The following CAGE1 variants were observed in gnomAD, a reference collection of about 807,000 sequenced individuals.
The protein encoded by CAGE1 is cancer antigen 1, also known as cancer-associated gene 1 protein.
In CAGE1, 66 loss-of-function variants were observed where a neutral mutation model predicts 94.9. The observed-to-expected ratio is 0.70, with a 90% CI of 0.57 to 0.85. CAGE1 has a LOEUF of 0.85. Among genes scored for constraint, CAGE1 ranks in the 40% least tolerant of loss-of-function variants. The pLI is 0.00. For missense variants in CAGE1, 865 were observed against 950.4 expected, an observed-to-expected ratio of 0.91 and a Z score of 1.18; for synonymous variants, 319 against 321.0, an observed-to-expected ratio of 0.99 and a Z score of 0.07.
At chr6:7,352,298 A>C (rs1427753357) in intron 11 of CAGE1, among the ~76,000 whole-genome samples, 7 of 119,364 alleles carry the variant, frequency 5.9e-5, no homozygotes, top group Non-Finnish European at 1.0e-4. Context: ...TGCAAAAAAA[A>C]AAAAAAACAA....
chr6:7,369,902 T>G lies in CAGE1; in HGVS notation c.1893+17A>C, dbSNP rs138110712. On this transcript the variant is annotated intron_variant, in intron 6 of 13. Transcript: ENST00000502583. ...ATTCCTCCCCTACTAAAATATCTAATATATATGTTTTATTACCTGGCATGT... is the reference window on the plus strand; with the variant it reads ...ATTCCTCCCCTACTAAAATATCTAAGATATATGTTTTATTACCTGGCATGT... The G allele has an allele frequency of 1.0e-5, 16 of 1,598,986 alleles. No individual in the cohort carries two copies. The East Asian group carries it at 3.4e-4, about 34-fold the overall frequency.
chr6:7,334,137 A>G, intron 11 of CAGE1, 47 bp from the exon 12 acceptor site: 1 of 1,192,700 alleles, frequency 8.4e-7, no homozygotes, highest in Non-Finnish European at 1.2e-6. Context: ...GGACTTTTCT[A>G]GACCAATATT....
Position 7,363,086 on chromosome 6 carries a change from T to C in CAGE1, c.2193+2382A>G, listed in dbSNP as rs143382778. Among the ~76,000 whole-genome samples the C allele has an allele frequency of 2.8e-3, 424 of 152,196 alleles. 4 individuals carry two copies. Among genetic ancestry groups the C allele is most frequent in the African/African-American group, 9.4e-3 (392 of 41,540 alleles). On this transcript the variant is annotated intron_variant, in intron 9 of 13. Transcript: ENST00000502583. ...GAGTTCGTGACTAGCCTGGCCAACATGGAAAAACCCTGTCTCTACTAAAAA... is the reference window on the plus strand; with the variant it reads ...GAGTTCGTGACTAGCCTGGCCAACACGGAAAAACCCTGTCTCTACTAAAAA...
intron 11 of CAGE1, among the ~76,000 whole-genome samples, chr6:7,349,092 G>A (rs139898984): frequency 0.01 from 1,544 of 152,236 alleles, 18 homozygotes; most frequent in Admixed American, 0.022. Context: ...AAAGATCATC[G>A]CCTAGGTACA....
chr6:7,362,619 C>T lies in CAGE1; in HGVS notation c.2193+2849G>A, dbSNP rs968832561. On this transcript the variant is annotated intron_variant, in intron 9 of 13. Coordinates refer to ENST00000502583, the MANE Select transcript of CAGE1 (RefSeq NM_001170692.2). This position sits in a 1 kb window ranked among gnomAD's most constrained non-coding sequence, Gnocchi z 4.1. ...AGAAGGACATGAGAGAAGCACGCGA[C>T]GATGTGCCAAGGGAAGCATGAGCAT... Among the ~76,000 whole-genome samples, 8 of 152,278 alleles carry T rather than the reference C, an allele frequency of 5.3e-5. 1 individual carries two copies. In the South Asian group the frequency reaches 8.3e-4, roughly 16 times the overall value.
Position 7,378,741 on chromosome 6 carries a change from G to C in CAGE1, c.563C>G (p.Pro188Arg). The change falls in exon 4 of 14, where the codon CCT becomes CGT. Residue 188 changes from proline to arginine, a missense_variant. Coordinates refer to ENST00000502583, the MANE Select transcript of CAGE1 (RefSeq NM_001170692.2). ...LGNEYFRQPP[P>R]RSPPLIHCSG... ...GCAGTGGATTAGAGGCGGGCTTCTA[G>C]GAGGAGGCTGTCTAAAATACTCGTT... 6.2e-7 allele frequency: 1 copy of C among 1,613,940 alleles called. No homozygotes were observed. The highest frequency in any genetic ancestry group is 2.2e-5 in the East Asian group (1 of 44,880).
intron 11 of CAGE1, among the ~76,000 whole-genome samples, chr6:7,344,449 T>C (rs1759337389): frequency 6.6e-6 from 1 of 152,200 alleles, no homozygotes; most frequent in East Asian, 1.9e-4. Context: ...TTAGCTGCCT[T>C]CCCGCAGGGC....
chr6:7,367,367 C>T (rs1469952037), intron 7 of CAGE1, among the ~76,000 whole-genome samples: 1 of 142,610 alleles, frequency 7.0e-6, no homozygotes, highest in African/African-American at 2.6e-5. Context: ...TTCGACCTTT[C>T]TGGGCTCAGG....
intron 3 of CAGE1, among the ~76,000 whole-genome samples, chr6:7,385,263 C>T (rs1031052077): frequency 1.3e-5 from 2 of 151,950 alleles, no homozygotes; most frequent in African/African-American, 4.8e-5. Context: ...CCTCAGCCTC[C>T]CAAAGTGCTG....
At chr6:7,353,495 T>C (rs1759851838) in intron 11 of CAGE1, among the ~76,000 whole-genome samples, 1 of 152,024 alleles carries the variant, frequency 6.6e-6, no homozygotes. Context: ...GGAGATTCCT[T>C]AAAGAGCTAA....
chr6:7,352,290 CAA>C (rs77426667), intron 11 of CAGE1, among the ~76,000 whole-genome samples: 48 of 43,644 alleles, frequency 1.1e-3, no homozygotes, highest in African/African-American at 2.6e-3. Context: ...ACAATAGCTG[CAA>C]AAAAAAAAAA....
intron 11 of CAGE1, among the ~76,000 whole-genome samples, chr6:7,346,039 TGATG>T (rs1465760995): frequency 3.3e-5 from 5 of 151,918 alleles, no homozygotes; most frequent in South Asian, 2.1e-4. Context: ...AATATTGTTC[TGATG>T]ATGTGTGTAT....
Position 7,389,407 on chromosome 6 carries a change from T to A in CAGE1, c.-229A>T, listed in dbSNP as rs1243404090. The A allele has an allele frequency of 2.2e-6, 1 of 448,926 alleles. No individual in the cohort carries two copies. The highest frequency in any genetic ancestry group is 2.4e-5 in the Admixed American group (1 of 41,318). The allele number at this position is 448,926 out of a possible 1,614,324, so 27.8% of individuals were successfully genotyped here. A position where few individuals can be genotyped will look rare whatever the true frequency, so the allele number is the denominator to read the frequency against. ...ACCAAGGACTCTCACAAACTCGCAA[T>A]CGGGCTCCCGGAGTGCTGGAACGCC... is the stretch of plus-strand genomic sequence containing the variant. On this transcript the variant is annotated 5_prime_UTR_variant, in exon 1 of 14. Coordinates refer to ENST00000502583, the MANE Select transcript of CAGE1 (RefSeq NM_001170692.2).
intron 4 of CAGE1, among the ~76,000 whole-genome samples, chr6:7,377,596 G>A (rs1007711532): frequency 1.3e-5 from 2 of 152,096 alleles, no homozygotes; most frequent in Non-Finnish European, 2.9e-5. Context: ...AATTAGCCAG[G>A]TGTGGTGGCA....
chr6:7,345,474 C>CA (rs1467303343), intron 11 of CAGE1, among the ~76,000 whole-genome samples: 1 of 152,186 alleles, frequency 6.6e-6, no homozygotes. Flanking sequence ...CAAGTCCAGA[C>CA]ACAAAATGGC....
At position 7,341,719 on chromosome 6, in the gene CAGE1, G is replaced by A. The variant is rs987329888; in HGVS notation, c.2370-7629C>T. 7.1e-6 allele frequency: 5 copies of A among 699,896 alleles called. No homozygotes were observed. The East Asian group carries it at 1.2e-4, about 17-fold the overall frequency. The allele number at this position is 699,896 out of a possible 1,614,324, so 43.4% of individuals were successfully genotyped here. On this transcript the variant is annotated intron_variant, in intron 11 of 13. Coordinates refer to ENST00000502583, the MANE Select transcript of CAGE1 (RefSeq NM_001170692.2). ...AAAGTCAAAGCCACTATAGAAGGGA[G>A]CAGGCGCCAGGAAGGCCTCGCTTGG...
chr6:7,379,345 A>G (rs891357235), intron 3 of CAGE1, among the ~76,000 whole-genome samples: 1 of 152,224 alleles, frequency 6.6e-6, no homozygotes, highest in Admixed American at 6.5e-5. Flanking sequence ...AAATTATACA[A>G]TGTTTCAAAA....
intron 9 of CAGE1, among the ~76,000 whole-genome samples, chr6:7,361,722 C>T (rs1225425908): frequency 1.2e-4 from 18 of 152,122 alleles, no homozygotes; most frequent in Admixed American, 1.2e-3. Flanking sequence ...AAAATCAGAA[C>T]TAGGAAGGTG....
At chr6:7,386,873 G>T (rs192242528) in intron 2 of CAGE1, 106 bp downstream of exon 2, 9 of 796,362 alleles carry the variant, frequency 1.1e-5, no homozygotes, top group African/African-American at 1.0e-4. Context: ...TGTGTCCACC[G>T]AATATTGTTT....
Sources: allele counts gnomAD v4.1 joint callset (sites outside exome capture counted in the v4.1 genomes callset), GRCh38; gene constraint gnomAD v4.1.1; non-coding constraint Gnocchi (gnomAD v3.1); transcripts MANE v1.5; gene names NCBI Gene and HGNC (gene_info 2026-07-23, HGNC 2026-07-21).